Variants in LHFPL3 observed in about 807,000 individuals in gnomAD.
The protein encoded by LHFPL3 is LHFPL tetraspan subfamily member 3.
Under a neutral mutation model 19.3 loss-of-function variants are expected in LHFPL3, and 5 were observed. The observed-to-expected ratio is 0.26, with a 90% CI of 0.14 to 0.54. The LOEUF (loss-of-function observed/expected upper bound fraction) is 0.54, where lower values mean the gene tolerates loss of function less well. Ranked by LOEUF, LHFPL3 falls within the 20% of genes least tolerant of loss-of-function variation. The probability of loss-of-function intolerance (pLI) is 0.94; values close to 1 mark genes in which losing one functional copy is unlikely to be tolerated. For missense variants in LHFPL3, 249 were observed against 307.4 expected (o/e 0.81, Z 1.42); for synonymous variants, 133 against 126.2 (o/e 1.05, Z -0.36).
intron 2 of LHFPL3, among the ~76,000 whole-genome samples, chr7:104,805,049 C>A (rs1414814897): frequency 6.6e-6 from 1 of 152,206 alleles, no homozygotes; most frequent in Non-Finnish European, 1.5e-5. Context: ...CTGGAGCAGC[C>A]AGAGGGCTCC....
intron 1 of LHFPL3, among the ~76,000 whole-genome samples, chr7:104,621,287 C>T (rs1483279362): frequency 6.6e-6 from 1 of 152,292 alleles, no homozygotes; most frequent in African/African-American, 2.4e-5. Flanking sequence ...ATAGAAAATC[C>T]TAACATTCTA....
At chr7:104,458,602 C>T (rs1654068184) in intron 1 of LHFPL3, among the ~76,000 whole-genome samples, 1 of 151,694 alleles carries the variant, frequency 6.6e-6, no homozygotes, top group South Asian at 2.1e-4. Flanking sequence ...GATGCGGGCT[C>T]TTTTTTGGTT....
At chr7:104,665,125 C>T (rs536647107) in intron 1 of LHFPL3, among the ~76,000 whole-genome samples, 8 of 152,290 alleles carry the variant, frequency 5.3e-5, no homozygotes, top group African/African-American at 1.9e-4. Context: ...ATACATAAGA[C>T]TGCTAATGTA....
intron 1 of LHFPL3, among the ~76,000 whole-genome samples, chr7:104,698,979 C>T (rs1323984749): frequency 1.3e-5 from 2 of 152,064 alleles, no homozygotes; most frequent in East Asian, 3.9e-4. Context: ...AAATCAAAAC[C>T]ATAATAAGGT....
At chr7:104,459,298 T>C (rs1203572848) in intron 1 of LHFPL3, among the ~76,000 whole-genome samples, 1 of 152,250 alleles carries the variant, frequency 6.6e-6, no homozygotes, top group East Asian at 1.9e-4. Flanking sequence ...ATTCATTACC[T>C]GTTAATGTGT....
chr7:104,727,375 C>A (rs558254319), intron 1 of LHFPL3, among the ~76,000 whole-genome samples: 1 of 152,008 alleles, frequency 6.6e-6, no homozygotes, highest in Admixed American at 6.6e-5. Context: ...TTGTTTTTGA[C>A]GTTTTCCTCA....
At chr7:104,832,872 G>A (rs1790982121) in intron 2 of LHFPL3, among the ~76,000 whole-genome samples, 1 of 143,692 alleles carries the variant, frequency 7.0e-6, no homozygotes, top group Non-Finnish European at 1.5e-5. Context: ...AGCTCCTCAG[G>A]GGGCTGAGGC....
chr7:104,670,867 T>TG (rs1412881134), intron 1 of LHFPL3, among the ~76,000 whole-genome samples: 5 of 119,854 alleles, frequency 4.2e-5, no homozygotes, highest in East Asian at 2.9e-4. Flanking sequence ...TTTTGTTTTG[T>TG]TTTTTTTTTT....
At chr7:104,739,961 A>G (rs1299879773) in intron 2 of LHFPL3, among the ~76,000 whole-genome samples, 2 of 152,176 alleles carry the variant, frequency 1.3e-5, no homozygotes, top group African/African-American at 2.4e-5. Flanking sequence ...TTGTAATCCA[A>G]ATTATAATTT....
In LHFPL3 at chr7:104,453,774, C is replaced by T. The variant is rs574386495; in HGVS notation, c.445+124550C>T. The stretch of plus-strand genomic sequence containing the variant: ...TAAGTAAGCTGTCACTCTGAGTTCT[C>T]ATGAGATCTGGTCATTTAAAAGTGT... On this transcript the variant is annotated intron_variant, in intron 1 of 2. Transcript: ENST00000424859. Among the ~76,000 whole-genome samples, 9 of 152,222 alleles carry T rather than the reference C, an allele frequency of 5.9e-5. No homozygotes were observed. The South Asian group carries it at 1.9e-3, about 32-fold the overall frequency.
chr7:104,789,153 G>T (rs1007083208), intron 2 of LHFPL3, among the ~76,000 whole-genome samples: 1 of 152,204 alleles, frequency 6.6e-6, no homozygotes, highest in Admixed American at 6.5e-5. Context: ...GGAATTCACA[G>T]CTCCTCACAT....
chr7:104,571,796 T>C (rs1264779594), intron 1 of LHFPL3, among the ~76,000 whole-genome samples: 3 of 152,318 alleles, frequency 2.0e-5, no homozygotes, highest in Admixed American at 2.0e-4. Flanking sequence ...ACTATTTTCA[T>C]TCTCCCAAGA....
chr7:104,603,118 C>CT (rs1554413267), intron 1 of LHFPL3, among the ~76,000 whole-genome samples: 2 of 126,792 alleles, frequency 1.6e-5, no homozygotes, highest in Non-Finnish European at 3.4e-5. Flanking sequence ...TTCTTTCTTT[C>CT]TTTCTTTCTT....
At chr7:104,829,932 C>T (rs1411734473) in intron 2 of LHFPL3, among the ~76,000 whole-genome samples, 16 of 152,084 alleles carry the variant, frequency 1.1e-4, no homozygotes, top group East Asian at 3.9e-4. Flanking sequence ...GTTGAACTAG[C>T]TTACAGTCCC....
At chr7:104,670,480 C>T (rs1292509039) in intron 1 of LHFPL3, among the ~76,000 whole-genome samples, 2 of 152,140 alleles carry the variant, frequency 1.3e-5, no homozygotes, top group African/African-American at 2.4e-5. Context: ...AGACTCTTAT[C>T]GTCATCTTAA....
chr7:104,677,555 T>C (rs1304300656), intron 1 of LHFPL3, among the ~76,000 whole-genome samples: 3 of 152,200 alleles, frequency 2.0e-5, no homozygotes, highest in African/African-American at 7.2e-5. Context: ...TTCTACCACA[T>C]GTTTTTTAAT....
chr7:104,350,704 C>T (rs1397599947), intron 1 of LHFPL3, among the ~76,000 whole-genome samples: 2 of 152,142 alleles, frequency 1.3e-5, no homozygotes, highest in Admixed American at 6.6e-5. Context: ...ATCAGGTGAT[C>T]ATAAATACTA....
intron 1 of LHFPL3, among the ~76,000 whole-genome samples, chr7:104,422,197 C>T (rs1791745385): frequency 1.3e-5 from 2 of 152,272 alleles, no homozygotes; most frequent in African/African-American, 4.8e-5. Context: ...ACCATCTCTA[C>T]TAAAAATATA....
At chr7:104,543,330 T>A (rs1265799805) in intron 1 of LHFPL3, among the ~76,000 whole-genome samples, 1 of 152,034 alleles carries the variant, frequency 6.6e-6, no homozygotes, top group African/African-American at 2.4e-5. Flanking sequence ...TGTAAACTAG[T>A]TCAACCATTG....
Sources: gnomAD v4.1 joint callset for allele counts (sites outside exome capture counted in the v4.1 genomes callset) on GRCh38, gnomAD v4.1.1 for gene constraint, MANE v1.5 for transcripts, NCBI Gene and HGNC (gene_info 2026-07-23, HGNC 2026-07-21) for gene names.